The following LYST variants were observed in gnomAD, a reference collection of about 807,000 sequenced individuals.
The protein encoded by LYST is lysosomal-trafficking regulator.
LYST carries 192 observed loss-of-function variants against 413.6 expected under a neutral mutation model. That is an observed-to-expected ratio of 0.46 (90% confidence interval 0.41 to 0.52). LYST has a LOEUF of 0.52. Among genes scored for constraint, LYST ranks in the 20% least tolerant of loss-of-function variants. The pLI is 0.00. For missense variants in LYST, 3,815 were observed against 4,499.9 expected, an observed-to-expected ratio of 0.85 and a Z score of 4.35; for synonymous variants, 1,525 against 1,567.3, an observed-to-expected ratio of 0.97 and a Z score of 0.64.
In LYST at chr1:235,702,887, G is replaced by C; in HGVS notation, c.10234C>G (p.Arg3412Gly). 6.2e-7 allele frequency: 1 copy of C among 1,614,136 alleles called. No homozygotes were observed. Among genetic ancestry groups the C allele is most frequent in the Non-Finnish European group, 8.5e-7 (1 of 1,180,004 alleles). Residue 3412 changes from arginine to glycine, a missense_variant, in exon 45 of 53, where the codon CGT becomes GGT. By Grantham distance (125) the Arg-to-Gly change is moderately radical. Around this residue, in one of 4 missense-constraint regions of LYST, gnomAD observed 866 missense variants for 1,156.0 expected, o/e 0.75. Transcript: ENST00000389793. The part of the protein sequence containing the change: ...TMIKTYGQTP[R>G]QLFHMAHVSR... Reference sequence around the variant, plus strand: ...ACATGGGCCATGTGGAACAGCTGACGGGGAGTCTGCCCGTAGGTTTTTATC... The same window carrying C: ...ACATGGGCCATGTGGAACAGCTGACCGGGAGTCTGCCCGTAGGTTTTTATC...
In LYST at chr1:235,686,224, G is replaced by A. The variant is rs1050634616; in HGVS notation, c.10800+725C>T. Among the ~76,000 whole-genome samples, 7 of 152,068 alleles carry A rather than the reference G, an allele frequency of 4.6e-5. No individual in the cohort carries two copies. The highest frequency in any genetic ancestry group is 7.2e-5 in the African/African-American group (3 of 41,418). Reference sequence around the variant, plus strand: ...TCTACTAAAACTACAAAACTTGGCCGGGCGTGGTGGCACATGCCTGTGGTC... The same window carrying A: ...TCTACTAAAACTACAAAACTTGGCCAGGCGTGGTGGCACATGCCTGTGGTC... On this transcript the variant is annotated intron_variant, in intron 48 of 52. Transcript: ENST00000389793. The surrounding 1 kb of genome is among the most constrained non-coding windows in gnomAD (Gnocchi z 4.0).
chr1:235,794,546 T>C (rs1187566901), intron 10 of LYST, among the ~76,000 whole-genome samples: 1 of 152,176 alleles, frequency 6.6e-6, no homozygotes, highest in Non-Finnish European at 1.5e-5. Flanking sequence ...CAAAAAACCC[T>C]AGAAAATAAA....
chr1:235,673,326 AC>A (rs2103027630), intron 50 of LYST, among the ~76,000 whole-genome samples: 1 of 152,066 alleles, frequency 6.6e-6, no homozygotes, highest in African/African-American at 2.4e-5. Context: ...GTTTTGTTAT[AC>A]CCTGCAGGAA....
rs1368927657 is a variant in LYST at position 235,724,059 on chromosome 1, C to T, written c.9284G>A (p.Arg3095Lys). 6.2e-7 allele frequency: 1 copy of T among 1,613,724 alleles called. No homozygotes were observed. Among genetic ancestry groups the T allele is most frequent in the South Asian group, 1.1e-5 (1 of 91,066 alleles). ...NAVEIFLTNG[R>K]TLLLAFDNTK... ...GTTATCAAATGCCAACAGGAGTGTTCTGCCATTTGTTAGAAAGATTTCTAC... is the reference window on the plus strand; with the variant it reads ...GTTATCAAATGCCAACAGGAGTGTTTTGCCATTTGTTAGAAAGATTTCTAC... The change falls in exon 39 of 53, where the codon AGA becomes AAA. Residue 3095 changes from arginine (R) to lysine (K), a missense_variant. By Grantham distance (26) the Arg-to-Lys change is conservative (BLOSUM62 2). Coordinates refer to ENST00000389793, the MANE Select transcript of LYST (RefSeq NM_000081.4).
In LYST at chr1:235,686,396, A is replaced by C. The variant is rs1415488136; in HGVS notation, c.10800+553T>G. 6.6e-6 allele frequency among the ~76,000 whole-genome samples: 1 copy of C among 152,022 alleles called. No homozygotes were observed. Among genetic ancestry groups the C allele is most frequent in the African/African-American group, 2.4e-5 (1 of 41,382 alleles). ...AACAAAAACAAAACAAAACAAAACAAAACCCCCCAAAAACAGTAAATTAAA... is the reference window on the plus strand; with the variant it reads ...AACAAAAACAAAACAAAACAAAACACAACCCCCCAAAAACAGTAAATTAAA... On this transcript the variant is annotated intron_variant, in intron 48 of 52. Transcript: ENST00000389793. This position sits in a 1 kb window ranked among gnomAD's most constrained non-coding sequence, Gnocchi z 4.0.
intron 31 of LYST, chr1:235,736,053 T>C (rs1468867198): frequency 6.6e-6 from 1 of 152,154 alleles, no homozygotes; most frequent in Non-Finnish European, 1.5e-5. Context: ...ATCAGAAATG[T>C]TTTTATTCAT....
chr1:235,752,180 A>C lies in LYST; in HGVS notation c.7461-9T>G. On this transcript the variant is annotated splice_polypyrimidine_tract_variant and intron_variant, in intron 26 of 52. Transcript: ENST00000389793. ...ATTCACTCATGGGAATGCTAAAGAT[A>C]ACAACAAAAGAAGAAAACAGAACAT... The C allele has an allele frequency of 6.3e-7, 1 of 1,594,162 alleles. No individual in the cohort carries two copies. Among genetic ancestry groups the C allele is most frequent in the Non-Finnish European group, 8.6e-7 (1 of 1,163,514 alleles).
At chr1:235,845,539 G>GGA (rs1182609941) in intron 1 of LYST, among the ~76,000 whole-genome samples, 2 of 152,164 alleles carry the variant, frequency 1.3e-5, no homozygotes, top group Non-Finnish European at 2.9e-5. Flanking sequence ...ACAGGTGGAA[G>GGA]GAAGAACTAA....
chr1:235,751,245 T>C lies in LYST; in HGVS notation c.7745A>G (p.His2582Arg), dbSNP rs1224801363. The C allele has an allele frequency of 6.2e-7, 1 of 1,613,690 alleles. No homozygotes were observed. Among genetic ancestry groups the C allele is most frequent in the African/African-American group, 1.3e-5 (1 of 74,910 alleles). Reference sequence around the variant, plus strand: ...TTTCCGCTTTTGAACTACTGCATGATGGGGAGCAGAAGGTGACTGGAGTGA... The same window carrying C: ...TTTCCGCTTTTGAACTACTGCATGACGGGGAGCAGAAGGTGACTGGAGTGA... ...TDSLQSPSAPHHAVVQKRKSI... is the reference protein window; with the variant it reads ...TDSLQSPSAPRHAVVQKRKSI... Residue 2582 changes from histidine (H) to arginine (R), a missense_variant, in exon 28 of 53, where the codon CAT becomes CGT. His to Arg is a conservative substitution (Grantham distance 29, BLOSUM62 0). This residue lies in a region of LYST where 771 missense variants were observed against 837.1 expected (regional missense o/e 0.92). Transcript: ENST00000389793.
chr1:235,764,542 C>G (rs1667939990), intron 21 of LYST, among the ~76,000 whole-genome samples: 1 of 145,910 alleles, frequency 6.9e-6, no homozygotes, highest in South Asian at 2.2e-4. Context: ...TCTTGTCACC[C>G]AGGCTGGAGT....
intron 12 of LYST, among the ~76,000 whole-genome samples, chr1:235,790,657 C>T (rs1670885895): frequency 6.6e-6 from 1 of 152,188 alleles, no homozygotes; most frequent in East Asian, 1.9e-4. Flanking sequence ...CTGTCTCATC[C>T]AGTCATTTCA....
chr1:235,712,024 G>A lies in LYST; in HGVS notation c.9925+33C>T. The A allele has an allele frequency of 2.7e-6, 4 of 1,482,880 alleles. No individual in the cohort carries two copies. In the South Asian group the frequency reaches 4.0e-5, roughly 15 times the overall value. The allele number at this position is 1,482,880 out of a possible 1,614,324, so 91.9% of individuals were successfully genotyped here. ...ATTACAAAATAACCACAAGCCCTCA[G>A]AAATATAAATTAAAAATAATTTATT... is the stretch of plus-strand genomic sequence containing the variant. On this transcript the variant is annotated intron_variant, in intron 43 of 52. Transcript: ENST00000389793.
chr1:235,827,807 A>G (rs1675501002), intron 3 of LYST: 1 of 826,916 alleles, frequency 1.2e-6, no homozygotes, highest in African/African-American at 1.9e-5. Context: ...AATATCTTAA[A>G]ATATATCTTA....
In LYST at chr1:235,731,174, T is replaced by C; in HGVS notation, c.8805A>G (p.Ala2935=). The change falls in exon 35 of 53, where the codon GCA becomes GCG. Residue 2935 remains alanine, a synonymous_variant. Transcript: ENST00000389793. ...ELIQQLTHDR[A]VWYDPIYYPT... is the part of the protein sequence containing the mutation. Reference sequence around the variant, plus strand: ...GATAGTAGATGGGGTCATACCATACTGCTCTGCAAGTAAAAAGATTAAAGG... The same window carrying C: ...GATAGTAGATGGGGTCATACCATACCGCTCTGCAAGTAAAAAGATTAAAGG... The C allele has an allele frequency of 6.2e-7, 1 of 1,614,082 alleles. No homozygotes were observed. Among genetic ancestry groups the C allele is most frequent in the South Asian group, 1.1e-5 (1 of 91,088 alleles).
chr1:235,756,057 A>ATATCTG (rs974141369), intron 24 of LYST, among the ~76,000 whole-genome samples: 3 of 113,594 alleles, frequency 2.6e-5, no homozygotes, highest in East Asian at 2.4e-4. Flanking sequence ...ATCTATATCT[A>ATATCTG]TATCTGTATC....
chr1:235,778,832 G>A (rs147011294), intron 16 of LYST, among the ~76,000 whole-genome samples: 211 of 151,696 alleles, frequency 1.4e-3, no homozygotes, highest in Admixed American at 6.7e-3. Flanking sequence ...GAAATCTGAC[G>A]TTGCACCCTG....
chr1:235,770,150 T>G lies in LYST; in HGVS notation c.5922+10A>C, dbSNP rs375422713. The G allele has an allele frequency of 1.6e-5, 25 of 1,612,474 alleles. No individual in the cohort carries two copies. In the African/African-American group the frequency reaches 3.1e-4, roughly 20 times the overall value. Reference sequence around the variant, plus strand: ...ATATATTTCCAAAAGTAAAGTTACATGAAAAGTACCTGCAAAACCTGACAA... The same window carrying G: ...ATATATTTCCAAAAGTAAAGTTACAGGAAAAGTACCTGCAAAACCTGACAA... On this transcript the variant is annotated intron_variant, in intron 20 of 52. Coordinates refer to ENST00000389793, the MANE Select transcript of LYST (RefSeq NM_000081.4).
rs754236811 is a variant in LYST, at chr1:235,792,111, CAGA to C, written c.4128_4130del (p.Leu1377del). On this transcript the variant is annotated inframe_deletion, in exon 12 of 53. Transcript: ENST00000389793. ...CACTTTCAATAATTTTCAGAATACC[CAGA>C]AGAAGAATTTTCTAGAGAAAAAGAA... 12 of 1,606,730 alleles carry C rather than the reference CAGA, an allele frequency of 7.5e-6. No individual in the cohort carries two copies. The highest frequency in any genetic ancestry group is 1.0e-5 in the Non-Finnish European group (12 of 1,173,954).
chr1:235,725,981 T>C (rs1424657256), intron 38 of LYST, among the ~76,000 whole-genome samples: 1 of 152,214 alleles, frequency 6.6e-6, no homozygotes, highest in Non-Finnish European at 1.5e-5. Context: ...TCTTAATCTT[T>C]TGTAAATTGT....
Sources: allele counts gnomAD v4.1 joint callset (sites outside exome capture counted in the v4.1 genomes callset), GRCh38; gene constraint gnomAD v4.1.1; regional missense constraint gnomAD v4.1.1; non-coding constraint Gnocchi (gnomAD v3.1); transcripts MANE v1.5; gene names NCBI Gene and HGNC (gene_info 2026-07-23, HGNC 2026-07-21).